The following CADM3 variants were observed in gnomAD, a reference collection of about 807,000 sequenced individuals.
CADM3 encodes the protein cell adhesion molecule 3, also known as TSLC1-like 1.
In CADM3, 11 loss-of-function variants were observed where a neutral mutation model predicts 44.9. The observed-to-expected ratio is 0.25, with a 90% CI of 0.15 to 0.41. The LOEUF is 0.41. Ranked by LOEUF, CADM3 falls within the 10% of genes least tolerant of loss-of-function variation. The pLI is 1.00. For synonymous variants in CADM3, 207 were observed against 205.2 expected (o/e 1.01, Z -0.08); for missense variants, 426 against 512.0 (o/e 0.83, Z 1.62).
chr1:159,199,875 A>T lies in CADM3; in HGVS notation c.1077A>T (p.Lys359Asn). The change falls in exon 8 of 9, where the codon AAA (lysine) becomes AAT (asparagine). Residue 359 changes from lysine (K) to asparagine (N), a missense_variant and splice_region_variant. Lys to Asn is a moderately conservative substitution (Grantham distance 94). This residue lies in a region of CADM3 where 362 missense variants were observed against 474.6 expected (regional missense o/e 0.76). Coordinates refer to ENST00000368125, the MANE Select transcript of CADM3 (RefSeq NM_001127173.3). Reference protein sequence around the residue: ...IFLGHYLIRHKGTYLTHEAKG... With the variant: ...IFLGHYLIRHNGTYLTHEAKG... ...TTGGCCACTACTTGATCCGGCACAA[A>T]GGTCAGAGGCACAAAGAGAGCATCA... 1 of 1,613,758 alleles carries T rather than the reference A, an allele frequency of 6.2e-7. No homozygotes were observed. Among genetic ancestry groups the T allele is most frequent in the Non-Finnish European group, 8.5e-7 (1 of 1,179,886 alleles).
intron 1 of CADM3, among the ~76,000 whole-genome samples, chr1:159,179,079 A>T (rs1649133269): frequency 6.6e-6 from 1 of 152,174 alleles, no homozygotes; most frequent in Admixed American, 6.5e-5. Flanking sequence ...GGTTATAGTA[A>T]CAGCTGGAGT....
chr1:159,199,218 G>C (rs1022172361), intron 7 of CADM3, among the ~76,000 whole-genome samples: 1 of 151,978 alleles, frequency 6.6e-6, no homozygotes, highest in Admixed American at 6.6e-5. Flanking sequence ...AGCTAGGGGA[G>C]CTGGCTCAGA....
chr1:159,198,857 C>T (rs969236538), intron 7 of CADM3, among the ~76,000 whole-genome samples: 1 of 152,180 alleles, frequency 6.6e-6, no homozygotes, highest in African/African-American at 2.4e-5. Context: ...CAATCCTCTA[C>T]CTAGGTTGCC....
Position 159,200,982 on chromosome 1 carries a change from C to A in CADM3, c.*60C>A. 7.7e-7 allele frequency: 1 copy of A among 1,306,506 alleles called. No homozygotes were observed. Among genetic ancestry groups the A allele is most frequent in the Non-Finnish European group, 1.1e-6 (1 of 945,300 alleles). The allele number at this position is 1,306,506 out of a possible 1,614,324, so 80.9% of individuals were successfully genotyped here. ...CCTGTGGGGACTGCTGGGGCCGTCA[C>A]CAACCCGGACTTGTACAGAGCAACC... is the stretch of plus-strand genomic sequence containing the variant. On this transcript the variant is annotated 3_prime_UTR_variant, in exon 9 of 9. Coordinates refer to ENST00000368125, the MANE Select transcript of CADM3 (RefSeq NM_001127173.3).
At chr1:159,184,690 G>A (rs1008133683) in intron 1 of CADM3, among the ~76,000 whole-genome samples, 1 of 152,284 alleles carries the variant, frequency 6.6e-6, no homozygotes, top group Admixed American at 6.5e-5. Context: ...GGGTTATACT[G>A]GCAGACTTTC....
chr1:159,200,326 C>T (rs703155), intron 8 of CADM3, among the ~76,000 whole-genome samples: 24,423 of 152,156 alleles, frequency 0.16, 2,816 homozygotes, highest in East Asian at 0.55. Context: ...TGCCTTCTCT[C>T]TACCCTCTTC....
At chr1:159,186,438 G>A (rs141811377) in intron 1 of CADM3, among the ~76,000 whole-genome samples, 168 of 152,270 alleles carry the variant, frequency 1.1e-3, no homozygotes, top group African/African-American at 3.7e-3. Flanking sequence ...AATGACAGAA[G>A]CTCCTTCCGA....
At chr1:159,183,730 C>T (rs577816802) in intron 1 of CADM3, among the ~76,000 whole-genome samples, 2 of 152,272 alleles carry the variant, frequency 1.3e-5, no homozygotes, top group East Asian at 1.9e-4. Flanking sequence ...ACTCCCACCC[C>T]GTATGGCTCA....
chr1:159,198,628 T>A (rs1027708264), intron 7 of CADM3, among the ~76,000 whole-genome samples: 2 of 151,186 alleles, frequency 1.3e-5, no homozygotes, highest in Non-Finnish European at 2.9e-5. Context: ...ATGTAAGGAG[T>A]CAATGAGGCA....
chr1:159,187,884 C>T (rs1001809939), intron 1 of CADM3, among the ~76,000 whole-genome samples: 1 of 152,006 alleles, frequency 6.6e-6, no homozygotes, highest in Non-Finnish European at 1.5e-5. Context: ...AGGGAGAGCC[C>T]CTGCTGGATG....
At chr1:159,194,163 CAA>C in intron 5 of CADM3, 123 bp downstream of exon 5, 1 of 1,064,920 alleles carries the variant, frequency 9.4e-7, no homozygotes. Context: ...AAAAATGAAA[CAA>C]AGACTGCCAG....
intron 7 of CADM3, among the ~76,000 whole-genome samples, chr1:159,198,680 A>G (rs1279942592): frequency 6.6e-6 from 1 of 152,078 alleles, no homozygotes; most frequent in African/African-American, 2.4e-5. Context: ...CAGCTCTCCC[A>G]TGGGTGGGAG....
intron 1 of CADM3, among the ~76,000 whole-genome samples, chr1:159,187,944 C>T (rs1270965770): frequency 6.6e-6 from 1 of 151,900 alleles, no homozygotes; most frequent in South Asian, 2.1e-4. Context: ...TCATTCTCAT[C>T]CTGCTTGCCT....
At position 159,192,218 on chromosome 1, in the gene CADM3, T is replaced by TC. The variant is rs1032465598; in HGVS notation, c.229+146dup. On this transcript the variant is annotated intron_variant, in intron 2 of 8. Transcript: ENST00000368125. ...TTTGAGGATGTAACAAGCCATGAGT[T>TC]CCCCAACTGGTTCCAGTATTGCAGC... is the stretch of plus-strand genomic sequence containing the variant. The TC allele has an allele frequency of 9.1e-6, 8 of 882,892 alleles. No homozygotes were observed. The African/African-American group carries it at 1.4e-4, about 15-fold the overall frequency. 54.7% of individuals were successfully genotyped at this position (882,892 alleles called of 1,614,324 possible).
intron 2 of CADM3, 108 bp downstream of exon 2, chr1:159,192,184 G>A: frequency 8.1e-7 from 1 of 1,229,672 alleles, no homozygotes; most frequent in South Asian, 1.5e-5. Flanking sequence ...GAAACATGGT[G>A]GTCTGCTGTT....
At chr1:159,200,743 C>A (rs34710501) in intron 8 of CADM3, 61 bp from the exon 9 acceptor site, 35,109 of 1,250,534 alleles carry the variant, frequency 0.028, 525 homozygotes, top group Middle Eastern at 0.061. Flanking sequence ...AGAAAGTGGG[C>A]AGGGTGGACT....
intron 3 of CADM3, among the ~76,000 whole-genome samples, chr1:159,193,117 A>G (rs1649739991): frequency 6.6e-6 from 1 of 152,044 alleles, no homozygotes; most frequent in Non-Finnish European, 1.5e-5. Context: ...CCTATATTTC[A>G]ACTTCCTTCT....
intron 1 of CADM3, among the ~76,000 whole-genome samples, chr1:159,188,426 T>C (rs1649505282): frequency 6.6e-6 from 1 of 151,958 alleles, no homozygotes; most frequent in East Asian, 1.9e-4. Flanking sequence ...CGTCCCACTT[T>C]TCTTTGTAAT....
At chr1:159,188,605 C>T (rs1649516335) in intron 1 of CADM3, among the ~76,000 whole-genome samples, 1 of 152,200 alleles carries the variant, frequency 6.6e-6, no homozygotes, top group Non-Finnish European at 1.5e-5. Context: ...CTCTGCTCAG[C>T]AGCGGATGAG....
Sources: allele counts gnomAD v4.1 joint callset (sites outside exome capture counted in the v4.1 genomes callset), GRCh38; gene constraint gnomAD v4.1.1; regional missense constraint gnomAD v4.1.1; transcripts MANE v1.5; gene names NCBI Gene and HGNC (gene_info 2026-07-23, HGNC 2026-07-21).